ST3GAL4: variants seen among roughly 807,000 people sequenced by gnomAD.
ST3GAL4 encodes ST3 beta-galactoside alpha-2,3-sialyltransferase 4.
Under a neutral mutation model 42.6 loss-of-function variants are expected in ST3GAL4, and 24 were observed. The ratio of observed to expected loss-of-function variants is 0.56; its 90% CI spans 0.41 to 0.79. The LOEUF (loss-of-function observed/expected upper bound fraction) is 0.79. ST3GAL4 is among the 30% of genes least tolerant of loss of function. The probability of loss-of-function intolerance (pLI) is 0.00; values close to 1 mark genes in which losing one functional copy is unlikely to be tolerated. For synonymous variants in ST3GAL4, 135 were observed against 163.2 expected (o/e 0.83, Z 1.32); for missense variants, 311 against 430.8 (o/e 0.72, Z 2.46).
In ST3GAL4 at chr11:126,408,395, G is replaced by C; in HGVS notation, c.526G>C (p.Asp176His). 1 of 1,614,132 alleles carries C rather than the reference G, an allele frequency of 6.2e-7. No individual in the cohort carries two copies. Among genetic ancestry groups the C allele is most frequent in the Non-Finnish European group, 8.5e-7 (1 of 1,180,026 alleles). ...RLFYPESAHF[D>H]PKVENNPDTL... ...CTTCTACCCTGAATCTGCCCACTTC[G>C]ACCCCAAAGTAGAAAACAACCCAGA... The change falls in exon 8 of 11, where the codon GAC becomes CAC. Residue 176 changes from aspartate (D) to histidine (H), a missense_variant. Physicochemically the swap from Asp to His is moderately conservative, Grantham distance 81 (BLOSUM62 -1). Coordinates refer to ENST00000444328, the MANE Select transcript of ST3GAL4 (RefSeq NM_001254757.2).
intron 9 of ST3GAL4, among the ~76,000 whole-genome samples, chr11:126,412,173 G>A (rs937813177): frequency 6.6e-6 from 1 of 152,142 alleles, no homozygotes; most frequent in Non-Finnish European, 1.5e-5. Context: ...GTGAGTGTAA[G>A]GAGACTGTGT....
chr11:126,368,582 C>G (rs1952522238), intron 1 of ST3GAL4, among the ~76,000 whole-genome samples: 1 of 152,174 alleles, frequency 6.6e-6, no homozygotes, highest in Non-Finnish European at 1.5e-5. Context: ...CTGTGGGTGA[C>G]CTCACTTTAG....
rs1954245777 is a variant in ST3GAL4 at position 126,406,632 on chromosome 11, G to A, written c.101+75G>A. 1.2e-6 allele frequency: 2 copies of A among 1,605,376 alleles called. No individual in the cohort carries two copies. Among genetic ancestry groups the A allele is most frequent in the Non-Finnish European group, 1.7e-6 (2 of 1,175,508 alleles). On this transcript the variant is annotated intron_variant, in intron 3 of 10. Coordinates refer to ENST00000444328, the MANE Select transcript of ST3GAL4 (RefSeq NM_001254757.2). This position sits in a 1 kb window ranked among gnomAD's most constrained non-coding sequence, Gnocchi z 5.4. ...TTAGGGATGGAGCATCATGGAGCGG[G>A]GGACCTAGTAGGGCAGGAAGGTTCC...
intron 1 of ST3GAL4, among the ~76,000 whole-genome samples, chr11:126,365,003 G>A (rs1234205556): frequency 2.7e-5 from 4 of 148,592 alleles, no homozygotes; most frequent in Admixed American, 2.7e-4. Flanking sequence ...GTGTGTTCTC[G>A]GGGGTGGGGG....
chr11:126,355,712 C>G lies in ST3GAL4; in HGVS notation c.-191C>G, dbSNP rs1409424234. The G allele has an allele frequency of 6.6e-6, 1 of 151,768 alleles. No individual in the cohort carries two copies. Among genetic ancestry groups the G allele is most frequent in the South Asian group, 2.1e-4 (1 of 4,830 alleles). The allele number at this position is 151,768 out of a possible 1,614,324, so 9.4% of individuals were successfully genotyped here. On this transcript the variant is annotated 5_prime_UTR_variant, in exon 1 of 11. Coordinates refer to ENST00000444328, the MANE Select transcript of ST3GAL4 (RefSeq NM_001254757.2). The surrounding 1 kb of genome is among the most constrained non-coding windows in gnomAD (Gnocchi z 7.1). ...CAGGCGGACTCGCCCGCTCCCAGGC[C>G]GGACCCGCGCCCGGGACAGGGACCC...
chr11:126,368,750 C>CT (rs1410929729), intron 1 of ST3GAL4, among the ~76,000 whole-genome samples: 1 of 152,240 alleles, frequency 6.6e-6, no homozygotes, highest in South Asian at 2.1e-4. Context: ...GTGGGTGGCT[C>CT]TGCCAGCTTC....
intron 1 of ST3GAL4, among the ~76,000 whole-genome samples, chr11:126,385,878 T>C (rs1953207886): frequency 6.6e-6 from 1 of 151,946 alleles, no homozygotes; most frequent in Non-Finnish European, 1.5e-5. Context: ...GGTGTCACTC[T>C]TTGTTATCAA....
At chr11:126,380,210 C>T (rs986850629) in intron 1 of ST3GAL4, among the ~76,000 whole-genome samples, 8 of 150,826 alleles carry the variant, frequency 5.3e-5, no homozygotes, top group African/African-American at 2.0e-4. Flanking sequence ...TGCAGTGTGC[C>T]GAGATTGTGC....
chr11:126,414,303 C>G lies in ST3GAL4; in HGVS notation c.*256C>G. The G allele has an allele frequency of 1.8e-6, 1 of 549,152 alleles. No homozygotes were observed. Among genetic ancestry groups the G allele is most frequent in the South Asian group, 2.2e-5 (1 of 45,196 alleles). The allele number at this position is 549,152 out of a possible 1,614,324, so 34.0% of individuals were successfully genotyped here. Reference sequence around the variant, plus strand: ...AGGGGGCTCGTTGCTGTGGCACCCCCTCTCTGCCAGCACCAAGAGATTATT... The same window carrying G: ...AGGGGGCTCGTTGCTGTGGCACCCCGTCTCTGCCAGCACCAAGAGATTATT... On this transcript the variant is annotated 3_prime_UTR_variant, in exon 11 of 11. Transcript: ENST00000444328.
In ST3GAL4 at chr11:126,371,063, C is replaced by G. The variant is rs1217030329; in HGVS notation, c.-61+15221C>G. On this transcript the variant is annotated intron_variant, in intron 1 of 10. Coordinates refer to ENST00000444328, the MANE Select transcript of ST3GAL4 (RefSeq NM_001254757.2). ...TCAGCCAGATTTATCAAGTGTGAAC[C>G]TTATCCCATATTAGATATTTTTTCC... 2.0e-5 allele frequency among the ~76,000 whole-genome samples: 3 copies of G among 151,476 alleles called. No individual in the cohort carries two copies. The South Asian group carries it at 6.2e-4, about 32-fold the overall frequency.
At chr11:126,413,422 G>C (rs1214083059) in intron 9 of ST3GAL4, 83 bp from the exon 10 acceptor site, 5 of 1,535,518 alleles carry the variant, frequency 3.3e-6, no homozygotes, top group Non-Finnish European at 2.6e-6. Context: ...GTGACTGCAG[G>C]AAGTTCCACT....
intron 1 of ST3GAL4, among the ~76,000 whole-genome samples, chr11:126,401,786 C>G (rs546923964): frequency 3.3e-5 from 5 of 151,990 alleles, no homozygotes; most frequent in Admixed American, 2.6e-4. Flanking sequence ...AGAGCAATTT[C>G]AGAATAAAAA....
rs577081386 is a variant in ST3GAL4 at position 126,376,240 on chromosome 11, C to G, written c.-61+20398C>G. On this transcript the variant is annotated intron_variant, in intron 1 of 10. Coordinates refer to ENST00000444328, the MANE Select transcript of ST3GAL4 (RefSeq NM_001254757.2). This position sits in a 1 kb window ranked among gnomAD's most constrained non-coding sequence, Gnocchi z 5.1. ...CAGGATAGTGGGCAATATTTGAAAG[C>G]CAGTAAATATAAAATAAAATATATT... 6.6e-6 allele frequency among the ~76,000 whole-genome samples: 1 copy of G among 151,932 alleles called. No individual in the cohort carries two copies. Among genetic ancestry groups the G allele is most frequent in the Admixed American group, 6.6e-5 (1 of 15,244 alleles).
At chr11:126,388,660 GT>G (rs10599019) in intron 1 of ST3GAL4, among the ~76,000 whole-genome samples, 24,755 of 79,378 alleles carry the variant, frequency 0.31, 2,617 homozygotes, top group Middle Eastern at 0.44. Context: ...TAGGTTTCTT[GT>G]TTTTTTTTTT....
At chr11:126,413,341 C>A in intron 9 of ST3GAL4, 164 bp from the exon 10 acceptor site, 1 of 660,984 alleles carries the variant, frequency 1.5e-6, no homozygotes, top group Non-Finnish European at 2.5e-6. Flanking sequence ...TCCTCAGCTG[C>A]ACTGGCCCCA....
chr11:126,385,740 G>T (rs1402998311), intron 1 of ST3GAL4, among the ~76,000 whole-genome samples: 4 of 152,086 alleles, frequency 2.6e-5, no homozygotes, highest in African/African-American at 9.7e-5. Flanking sequence ...GACAGGGCGT[G>T]GTGGCTCACG....
chr11:126,407,410 C>G (rs1293103800), intron 5 of ST3GAL4, 61 bp downstream of exon 5: 1 of 1,586,570 alleles, frequency 6.3e-7, no homozygotes, highest in Non-Finnish European at 8.7e-7. Context: ...GCTTCCTATT[C>G]TCTGCCGTCC....
intron 1 of ST3GAL4, among the ~76,000 whole-genome samples, chr11:126,377,921 CT>C (rs1952880368): frequency 6.6e-6 from 1 of 152,222 alleles, no homozygotes; most frequent in South Asian, 2.1e-4. Flanking sequence ...GTCAATTAAA[CT>C]TTTTCAGAAG....
intron 1 of ST3GAL4, among the ~76,000 whole-genome samples, chr11:126,360,498 A>C (rs1338512467): frequency 6.6e-6 from 1 of 152,188 alleles, no homozygotes. Flanking sequence ...ATCTCGGCTA[A>C]CTGCAACCTC....
Sources: allele counts gnomAD v4.1 joint callset (sites outside exome capture counted in the v4.1 genomes callset), GRCh38; gene constraint gnomAD v4.1.1; non-coding constraint Gnocchi (gnomAD v3.1); transcripts MANE v1.5; gene names NCBI Gene and HGNC (gene_info 2026-07-23, HGNC 2026-07-21).